The following EPM2A variants were observed in gnomAD, a reference collection of about 807,000 sequenced individuals.
The protein encoded by EPM2A is EPM2A glucan phosphatase, laforin, also known as laforin.
Under a neutral mutation model 26.5 loss-of-function variants are expected in EPM2A, and 21 were observed. The observed-to-expected ratio is 0.79, with a 90% confidence interval of 0.56 to 1.14. The LOEUF is 1.14. EPM2A is among the 50% of genes most tolerant of loss of function. The pLI, the probability that EPM2A is intolerant of heterozygous loss-of-function variation, is 0.00. For missense variants in EPM2A, 458 were observed against 440.8 expected, an observed-to-expected ratio of 1.04 and a Z score of -0.35; for synonymous variants, 217 against 177.6, an observed-to-expected ratio of 1.22 and a Z score of -1.76.
chr6:145,401,633 T>C (rs1334707805), intron 4 of EPM2A, among the ~76,000 whole-genome samples: 1 of 152,112 alleles, frequency 6.6e-6, no homozygotes, highest in Non-Finnish European at 1.5e-5. Context: ...ACCCCAAACC[T>C]CTGGATTTCA....
chr6:145,721,404 T>C (rs527691661), intron 1 of EPM2A: 7 of 152,272 alleles, frequency 4.6e-5, no homozygotes, highest in African/African-American at 1.7e-4. Flanking sequence ...TTCCAGATAA[T>C]GAAACTCAAA....
chr6:145,384,694 T>A (rs576665072), intron 4 of EPM2A, among the ~76,000 whole-genome samples: 1 of 147,364 alleles, frequency 6.8e-6, no homozygotes, highest in East Asian at 2.0e-4. Context: ...TGGGAGTAAG[T>A]CCTTCAGTCC....
intron 1 of EPM2A, among the ~76,000 whole-genome samples, chr6:145,696,708 G>A (rs1781589545): frequency 6.6e-6 from 1 of 151,002 alleles, no homozygotes; most frequent in South Asian, 2.1e-4. Flanking sequence ...GGAGGATCAG[G>A]AAAGAAAATA....
At chr6:145,394,130 T>C (rs1465722996) in intron 4 of EPM2A, among the ~76,000 whole-genome samples, 2 of 152,236 alleles carry the variant, frequency 1.3e-5, no homozygotes, top group Admixed American at 6.5e-5. Context: ...GCCCAACTTA[T>C]GACTATTTTT....
chr6:145,502,506 G>A lies in EPM2A; in HGVS notation c.394+16C>T, dbSNP rs370653. Reference sequence around the variant, plus strand: ...TGAGGAAGCTGCTCACTGGGAGGAGGTGCATACTCACTCACCTGCAGTCTC... The same window carrying A: ...TGAGGAAGCTGCTCACTGGGAGGAGATGCATACTCACTCACCTGCAGTCTC... On this transcript the variant is annotated intron_variant, in intron 3 of 3. Transcript: ENST00000450221. 220,370 of 468,968 alleles carry A rather than the reference G, an allele frequency of 0.47. 52,655 individuals carry two copies. The highest frequency in any genetic ancestry group is 0.58 in the South Asian group (37,203 of 64,454). The allele number at this position is 468,968 out of a possible 1,614,324, so 29.1% of individuals were successfully genotyped here.
chr6:145,642,242 T>C (rs1241181019), intron 2 of EPM2A, among the ~76,000 whole-genome samples: 2 of 152,206 alleles, frequency 1.3e-5, no homozygotes, highest in Admixed American at 6.5e-5. Flanking sequence ...TTAATGTTGT[T>C]TCCAATGCTG....
intron 4 of EPM2A, among the ~76,000 whole-genome samples, chr6:145,470,537 A>T (rs1248105834): frequency 1.3e-5 from 2 of 152,114 alleles, no homozygotes; most frequent in Admixed American, 6.6e-5. Flanking sequence ...TATATTTGCC[A>T]TTTTAAAAAC....
intron 2 of EPM2A, among the ~76,000 whole-genome samples, chr6:145,549,247 G>A (rs1342082116): frequency 5.3e-5 from 8 of 152,030 alleles, no homozygotes; most frequent in African/African-American, 1.9e-4. Flanking sequence ...TAATCTATCT[G>A]TTAAAGACAA....
At chr6:145,562,916 T>A (rs897650553) in intron 2 of EPM2A, among the ~76,000 whole-genome samples, 2 of 151,190 alleles carry the variant, frequency 1.3e-5, no homozygotes, top group African/African-American at 4.9e-5. Context: ...TGAGGGGGTG[T>A]GTCTTCTGCT....
intron 1 of EPM2A, among the ~76,000 whole-genome samples, chr6:145,687,316 A>C (rs1262508599): frequency 6.6e-6 from 1 of 151,400 alleles, no homozygotes; most frequent in Non-Finnish European, 1.5e-5. Flanking sequence ...AGCCCTCACC[A>C]ATCACTGAAT....
chr6:145,625,823 C>A lies in EPM2A; in HGVS notation c.*1593G>T. 1 of 1,549,682 alleles carries A rather than the reference C, an allele frequency of 6.5e-7. No homozygotes were observed. The highest frequency in any genetic ancestry group is 8.7e-7 in the Non-Finnish European group (1 of 1,143,508). On this transcript the variant is annotated 3_prime_UTR_variant, in exon 4 of 4. Transcript: ENST00000367519. ...CTTACCTTGTATCCTTCTTGTCCCCCACGCCTTCTAAATAAGAGTCTCTTG... is the reference window on the plus strand; with the variant it reads ...CTTACCTTGTATCCTTCTTGTCCCCAACGCCTTCTAAATAAGAGTCTCTTG...
Position 145,659,414 on chromosome 6 carries a change from T to C in EPM2A, c.477-23928A>G, listed in dbSNP as rs139341279. Among the ~76,000 whole-genome samples the C allele has an allele frequency of 1.3e-4, 20 of 152,310 alleles. No homozygotes were observed. In the East Asian group the frequency reaches 3.9e-3, roughly 29 times the overall value. On this transcript the variant is annotated intron_variant, in intron 2 of 3. Transcript: ENST00000367519. Reference sequence around the variant, plus strand: ...TTTCTGTACTTCAACAGTATAATTATTGAAAAGATTTTATTAGGATAAGAA... The same window carrying C: ...TTTCTGTACTTCAACAGTATAATTACTGAAAAGATTTTATTAGGATAAGAA...
chr6:145,575,178 G>T (rs1367812972), intron 2 of EPM2A, among the ~76,000 whole-genome samples: 1 of 152,164 alleles, frequency 6.6e-6, no homozygotes, highest in East Asian at 1.9e-4. Flanking sequence ...AAGGCTGATG[G>T]CAGCATGGGT....
At chr6:145,460,806 T>C (rs1293479701) in intron 4 of EPM2A, among the ~76,000 whole-genome samples, 1 of 152,138 alleles carries the variant, frequency 6.6e-6, no homozygotes, top group Non-Finnish European at 1.5e-5. Flanking sequence ...AGAGAAGGAA[T>C]ATTCTCCTTA....
At chr6:145,417,935 ACCC>A (rs1778731616) in intron 4 of EPM2A, among the ~76,000 whole-genome samples, 1 of 152,046 alleles carries the variant, frequency 6.6e-6, no homozygotes, top group African/African-American at 2.4e-5. Flanking sequence ...TTCCACCTGG[ACCC>A]CATCACCAAG....
intron 1 of EPM2A, 58 bp downstream of exon 1, chr6:145,735,140 T>C (rs1776775802): frequency 7.5e-7 from 1 of 1,336,184 alleles, no homozygotes; most frequent in Admixed American, 2.4e-5. Context: ...AGGCCCCGGT[T>C]GGGGGTGCGG....
intron 2 of EPM2A, among the ~76,000 whole-genome samples, chr6:145,649,887 AT>A (rs1364765613): frequency 6.6e-6 from 1 of 152,222 alleles, no homozygotes; most frequent in Non-Finnish European, 1.5e-5. Context: ...CCTTAGATGT[AT>A]AATGTGTCGG....
In EPM2A at chr6:145,507,808, G is replaced by A. The variant is rs563564649; in HGVS notation, c.341-5233C>T. 2.6e-5 allele frequency among the ~76,000 whole-genome samples: 4 copies of A among 152,284 alleles called. No individual in the cohort carries two copies. The East Asian group carries it at 7.7e-4, about 29-fold the overall frequency. On this transcript the variant is annotated intron_variant, in intron 2 of 3. Coordinates refer to the EPM2A transcript ENST00000450221. ...CTCTCACCACAAGACCAGTATGGGA[G>A]GAGAGTTGTTGAAGCTGAGGATTCT...
At chr6:145,512,869 A>C (rs1582813889) in intron 2 of EPM2A, among the ~76,000 whole-genome samples, 1 of 152,240 alleles carries the variant, frequency 6.6e-6, no homozygotes, top group East Asian at 1.9e-4. Context: ...CCACATGCAG[A>C]AGAATAAAAC....
Sources: allele counts gnomAD v4.1 joint callset (sites outside exome capture counted in the v4.1 genomes callset), GRCh38; gene constraint gnomAD v4.1.1; transcripts MANE v1.5; gene names NCBI Gene and HGNC (gene_info 2026-07-23, HGNC 2026-07-21).